Variants in PTPRF observed in about 807,000 individuals in gnomAD.
PTPRF encodes the protein receptor-type tyrosine-protein phosphatase F.
Under a neutral mutation model 201.8 loss-of-function variants are expected in PTPRF, and 59 were observed. The observed-to-expected ratio is 0.29, with a 90% CI of 0.24 to 0.36. The LOEUF (loss-of-function observed/expected upper bound fraction) is 0.36. Among genes scored for constraint, PTPRF ranks in the 10% least tolerant of loss-of-function variants. The pLI is 1.00. For synonymous variants in PTPRF, 1,088 were observed against 1,089.7 expected (o/e 1.00, Z 0.03); for missense variants, 2,132 against 2,690.5 (o/e 0.79, Z 4.59).
intron 5 of PTPRF, among the ~76,000 whole-genome samples, chr1:43,560,261 G>A (rs1645712789): frequency 6.6e-6 from 1 of 151,446 alleles, no homozygotes; most frequent in South Asian, 2.1e-4. Flanking sequence ...GTGTGTGTGT[G>A]TGTACATGCG....
chr1:43,532,183 G>GC (rs888650507), intron 1 of PTPRF, among the ~76,000 whole-genome samples: 7 of 151,946 alleles, frequency 4.6e-5, no homozygotes, highest in African/African-American at 7.3e-5. Context: ...TGTGCTAGGC[G>GC]CCCCCCCATT....
chr1:43,523,386 C>T (rs1643009898), upstream of PTPRF, among the ~76,000 whole-genome samples: 2 of 152,068 alleles, frequency 1.3e-5, no homozygotes, highest in Non-Finnish European at 2.9e-5. Flanking sequence ...GGACAGAGTC[C>T]ACAGTAAGAA....
At chr1:43,540,021 T>C (rs1463076911) in intron 2 of PTPRF, among the ~76,000 whole-genome samples, 1 of 152,176 alleles carries the variant, frequency 6.6e-6, no homozygotes, top group African/African-American at 2.4e-5. Flanking sequence ...CAGGTCAGGC[T>C]CTAGGCTCAA....
upstream of PTPRF, among the ~76,000 whole-genome samples, chr1:43,526,009 T>G (rs1433112502): frequency 6.6e-6 from 1 of 151,578 alleles, no homozygotes; most frequent in Non-Finnish European, 1.5e-5. Flanking sequence ...GGAATTTTTT[T>G]TAGGATGGGA....
intron 13 of PTPRF, among the ~76,000 whole-genome samples, chr1:43,599,486 G>A (rs1653209819): frequency 6.6e-6 from 1 of 152,298 alleles, no homozygotes; most frequent in East Asian, 1.9e-4. Flanking sequence ...CCCACTGGCG[G>A]CCATGGGTCC....
Position 43,578,797 on chromosome 1 carries a change from C to T in PTPRF, c.569-13C>T, listed in dbSNP as rs11210874. ...ATGGGCCGTGCCTGACCTCTCGCTTCGTGTACCCACAGGTGCCTTGCAGAT... is the reference window on the plus strand; with the variant it reads ...ATGGGCCGTGCCTGACCTCTCGCTTTGTGTACCCACAGGTGCCTTGCAGAT... On this transcript the variant is annotated splice_polypyrimidine_tract_variant and intron_variant, in intron 6 of 33. Coordinates refer to ENST00000359947, the MANE Select transcript of PTPRF (RefSeq NM_002840.5). 0.31 allele frequency: 496,533 copies of T among 1,604,322 alleles called. 79,326 individuals are homozygous for T. Among genetic ancestry groups the T allele is most frequent in the East Asian group, 0.34 (15,224 of 44,710 alleles).
chr1:43,570,883 C>T (rs531165633), intron 6 of PTPRF, among the ~76,000 whole-genome samples: 8 of 152,338 alleles, frequency 5.3e-5, no homozygotes, highest in South Asian at 4.1e-4. Context: ...AGCAAACGGC[C>T]GGCAGTGTTT....
chr1:43,590,308 G>A (rs367806567), intron 8 of PTPRF, among the ~76,000 whole-genome samples: 4 of 152,068 alleles, frequency 2.6e-5, no homozygotes, highest in East Asian at 3.9e-4. Context: ...GAGTACGATC[G>A]ACTTGTTTAT....
intron 5 of PTPRF, among the ~76,000 whole-genome samples, chr1:43,556,581 T>C (rs1019588855): frequency 6.6e-6 from 1 of 152,222 alleles, no homozygotes; most frequent in Non-Finnish European, 1.5e-5. Flanking sequence ...CTGTGTCTTG[T>C]ATGAGTCCGT....
chr1:43,581,604 T>C (rs532798922), intron 7 of PTPRF, among the ~76,000 whole-genome samples: 1 of 152,362 alleles, frequency 6.6e-6, no homozygotes, highest in Admixed American at 6.5e-5. Context: ...AACCCCTGCC[T>C]TCTGCCCTCA....
chr1:43,600,278 A>G (rs1477190481), intron 13 of PTPRF, among the ~76,000 whole-genome samples: 1 of 152,124 alleles, frequency 6.6e-6, no homozygotes, highest in Non-Finnish European at 1.5e-5. Context: ...CAGTGGCCAC[A>G]GCTGTGGCCA....
chr1:43,525,757 A>T (rs1285359709), upstream of PTPRF, among the ~76,000 whole-genome samples: 1 of 132,384 alleles, frequency 7.6e-6, no homozygotes, highest in Non-Finnish European at 1.6e-5. Flanking sequence ...GTGAGCCGAG[A>T]TGGCGCCACT....
intron 5 of PTPRF, among the ~76,000 whole-genome samples, chr1:43,567,405 TCA>T (rs1646259330): frequency 6.6e-6 from 1 of 152,184 alleles, no homozygotes; most frequent in African/African-American, 2.4e-5. Context: ...CACTGTGGGA[TCA>T]TATTTACAGC....
In PTPRF at chr1:43,619,585, G is replaced by T. The variant is rs774288450; in HGVS notation, c.4932+12G>T. The T allele has an allele frequency of 1.9e-6, 3 of 1,611,084 alleles. No individual in the cohort carries two copies. The highest frequency in any genetic ancestry group is 2.7e-5 in the African/African-American group (2 of 74,866). On this transcript the variant is annotated intron_variant, in intron 28 of 33. Coordinates refer to ENST00000359947, the MANE Select transcript of PTPRF (RefSeq NM_002840.5). ...AGCTCGAGTTCAAGGTGGGGCTCGG[G>T]TGGGCCTGCTTGGCTCCAGGGCCTA...
chr1:43,602,234 GT>G, intron 14 of PTPRF, 137 bp downstream of exon 14: 1 of 1,068,888 alleles, frequency 9.4e-7, no homozygotes, highest in Non-Finnish European at 1.4e-6. Context: ...GAAAATTGGC[GT>G]TTAGACACAA....
intron 3 of PTPRF, among the ~76,000 whole-genome samples, chr1:43,545,376 G>A (rs535122327): frequency 3.3e-5 from 5 of 152,272 alleles, no homozygotes; most frequent in South Asian, 2.1e-4. Context: ...GCACCAGAGC[G>A]GGGCAGTCGA....
chr1:43,569,015 A>T (rs1455539728), intron 5 of PTPRF, among the ~76,000 whole-genome samples: 1 of 152,164 alleles, frequency 6.6e-6, no homozygotes, highest in Non-Finnish European at 1.5e-5. Context: ...TCAGGATCGG[A>T]GTTAGAAGGG....
Position 43,619,498 on chromosome 1 carries a change from C to G in PTPRF, c.4857C>G (p.Asn1619Lys). 9.3e-6 allele frequency: 15 copies of G among 1,614,050 alleles called. No individual in the cohort carries two copies. Among genetic ancestry groups the G allele is most frequent in the East Asian group, 2.2e-5 (1 of 44,884 alleles). Residue 1619 changes from asparagine (N) to lysine (K), a missense_variant, in exon 28 of 34, where the codon AAC (asparagine) becomes AAG (lysine). Physicochemically the swap from Asn to Lys is moderately conservative, Grantham distance 94 (BLOSUM62 0). Transcript: ENST00000359947. The stretch of plus-strand genomic sequence containing the variant: ...GCCACACAGAGGTGCCTGCCCGCAA[C>G]CTGTATGCCCACATCCAGAAGCTGG... The part of the protein sequence containing the change: ...TCGHTEVPAR[N>K]LYAHIQKLGQ...
At chr1:43,563,673 A>G (rs1246447519) in intron 5 of PTPRF, among the ~76,000 whole-genome samples, 4 of 152,174 alleles carry the variant, frequency 2.6e-5, no homozygotes, top group Non-Finnish European at 1.5e-5. Flanking sequence ...TGTCCTTAAC[A>G]GTTAGTTCCG....
Sources: allele counts gnomAD v4.1 joint callset (sites outside exome capture counted in the v4.1 genomes callset), GRCh38; gene constraint gnomAD v4.1.1; transcripts MANE v1.5; gene names NCBI Gene and HGNC (gene_info 2026-07-23, HGNC 2026-07-21).